The following JPH3 variants were observed in gnomAD, a reference collection of about 807,000 sequenced individuals.
JPH3 encodes junctophilin 3, also known as junctophilin-3.
JPH3 carries 11 observed loss-of-function variants against 59.6 expected under a neutral mutation model. The ratio of observed to expected loss-of-function variants is 0.18; its 90% CI spans 0.12 to 0.31. JPH3 has a LOEUF of 0.31. Ranked by LOEUF, JPH3 falls within the 10% of genes least tolerant of loss-of-function variation. The pLI, the probability that JPH3 is intolerant of heterozygous loss-of-function variation, is 1.00. For missense variants in JPH3, 1,202 were observed against 1,105.7 expected, an observed-to-expected ratio of 1.09 and a Z score of -1.24; for synonymous variants, 673 against 483.6, an observed-to-expected ratio of 1.39 and a Z score of -5.14.
Position 87,644,111 on chromosome 16 carries a change from C to G in JPH3, c.383-147C>G, listed in dbSNP as rs1052146809. On this transcript the variant is annotated intron_variant, in intron 1 of 4. Coordinates refer to ENST00000284262, the MANE Select transcript of JPH3 (RefSeq NM_020655.4). Reference sequence around the variant, plus strand: ...TGTGATGGTCTCACTGCACTCCAGCCTGGGCAACACAGCGAGAACCTGTCT... The same window carrying G: ...TGTGATGGTCTCACTGCACTCCAGCGTGGGCAACACAGCGAGAACCTGTCT... The G allele has an allele frequency of 5.9e-6, 5 of 843,528 alleles. No homozygotes were observed. The East Asian group carries it at 7.9e-5, about 13-fold the overall frequency. 52.3% of individuals were successfully genotyped at this position (843,528 alleles called of 1,614,324 possible).
intron 2 of JPH3, among the ~76,000 whole-genome samples, chr16:87,657,826 C>G (rs184140220): frequency 2.0e-5 from 3 of 152,180 alleles, no homozygotes; most frequent in African/African-American, 7.2e-5. Flanking sequence ...CGTGACCACA[C>G]CTAGCTGCAA....
chr16:87,655,899 C>G (rs563821525), intron 2 of JPH3, among the ~76,000 whole-genome samples: 1 of 152,222 alleles, frequency 6.6e-6, no homozygotes, highest in African/African-American at 2.4e-5. Flanking sequence ...AGGGGTCTCA[C>G]TTGCCACTCT....
chr16:87,616,194 G>T (rs1176328417), intron 1 of JPH3, among the ~76,000 whole-genome samples: 26 of 72,382 alleles, frequency 3.6e-4, no homozygotes, highest in African/African-American at 1.1e-3. Context: ...CTGGTTTTGT[G>T]TGTGTGTGTG....
intron 2 of JPH3, among the ~76,000 whole-genome samples, chr16:87,653,080 A>G (rs951978473): frequency 3.3e-5 from 5 of 152,116 alleles, no homozygotes; most frequent in African/African-American, 9.7e-5. Flanking sequence ...GGGGGGGACT[A>G]GAATTCTCAC....
At chr16:87,695,999 C>A (rs989706692) in intron 4 of JPH3, 3 of 455,964 alleles carry the variant, frequency 6.6e-6, no homozygotes, top group African/African-American at 4.0e-5. Context: ...CAAGGCAGCT[C>A]GCAATTGGAC....
At chr16:87,678,507 C>A (rs1430570298) in intron 2 of JPH3, among the ~76,000 whole-genome samples, 1 of 152,098 alleles carries the variant, frequency 6.6e-6, no homozygotes, top group African/African-American at 2.4e-5. Context: ...CCACTGCACT[C>A]CAGTGTGGAC....
rs150538258 is a variant in JPH3, at chr16:87,618,028, G to T, written c.382+14500G>T. ...AAATACAAAAATTAGCTGGGGCATG[G>T]CAGCCTGCGCCTGCAGTCCCAGCCA... On this transcript the variant is annotated intron_variant, in intron 1 of 4. Coordinates refer to ENST00000284262, the MANE Select transcript of JPH3 (RefSeq NM_020655.4). 1.6e-4 allele frequency among the ~76,000 whole-genome samples: 24 copies of T among 152,188 alleles called. No homozygotes were observed. The East Asian group carries it at 4.7e-3, about 29-fold the overall frequency.
At chr16:87,607,774 G>T (rs950870895) in intron 1 of JPH3, among the ~76,000 whole-genome samples, 7 of 152,228 alleles carry the variant, frequency 4.6e-5, no homozygotes, top group African/African-American at 1.7e-4. Context: ...GAGTGCCCAG[G>T]TTAGAAGGAA....
chr16:87,684,210 G>A lies in JPH3; in HGVS notation c.1229G>A (p.Arg410Gln), dbSNP rs746303536. The change falls in exon 3 of 5, where the codon CGG becomes CAG. Residue 410 changes from arginine (R) to glutamine (Q), a missense_variant. Transcript: ENST00000284262. ...TAAQKAQEEARIARITAKEFS... is the reference protein window; with the variant it reads ...TAAQKAQEEAQIARITAKEFS... ...GCTCAGAAAGCCCAGGAGGAGGCGC[G>A]GATCGCCAGGATCACTGCCAAAGAG... 1.4e-5 allele frequency: 23 copies of A among 1,613,794 alleles called. No individual in the cohort carries two copies. In the East Asian group the frequency reaches 2.2e-4, roughly 16 times the overall value.
chr16:87,696,479 A>G (rs977977525), intron 4 of JPH3, 101 bp from the exon 5 acceptor site: 17 of 937,186 alleles, frequency 1.8e-5, no homozygotes, highest in Non-Finnish European at 2.6e-5. Flanking sequence ...TCCACCCCCG[A>G]GGGTCTGCTA....
rs773264027 is a variant in JPH3, at chr16:87,644,800, C to G, written c.925C>G (p.Leu309Val). The change falls in exon 2 of 5, where the codon CTC becomes GTC. Residue 309 changes from leucine (L) to valine (V), a missense_variant. Physicochemically the swap from Leu to Val is conservative, Grantham distance 32. Transcript: ENST00000284262. Reference sequence around the variant, plus strand: ...CGGCGTGAGCCAGCGCTCGGACGGGCTCAAGTACGAGGGCGAGTGGGCCAG... The same window carrying G: ...CGGCGTGAGCCAGCGCTCGGACGGGGTCAAGTACGAGGGCGAGTGGGCCAG... Reference protein sequence around the residue: ...GFGVSQRSDGLKYEGEWASNR... With the variant: ...GFGVSQRSDGVKYEGEWASNR... 3.7e-6 allele frequency: 6 copies of G among 1,613,182 alleles called. No homozygotes were observed. The highest frequency in any genetic ancestry group is 5.1e-6 in the Non-Finnish European group (6 of 1,179,792).
At position 87,680,396 on chromosome 16, in the gene JPH3, C is replaced by T. The variant is rs182326780; in HGVS notation, c.1161-3746C>T. ...GTGTGGACCCAGAAGGAAGCGGAGCCCTGGTGGGCAGCCTGGCTGTGCTCT... is the reference window on the plus strand; with the variant it reads ...GTGTGGACCCAGAAGGAAGCGGAGCTCTGGTGGGCAGCCTGGCTGTGCTCT... On this transcript the variant is annotated intron_variant, in intron 2 of 4. Transcript: ENST00000284262. 1.4e-4 allele frequency among the ~76,000 whole-genome samples: 15 copies of T among 105,042 alleles called. No homozygotes were observed. The East Asian group carries it at 3.9e-3, about 27-fold the overall frequency. 68.9% of individuals were successfully genotyped at this position (105,042 alleles called of 152,430 possible). A position where few individuals can be genotyped will look rare whatever the true frequency, so the allele number is the denominator to read the frequency against.
intron 2 of JPH3, among the ~76,000 whole-genome samples, chr16:87,662,648 G>A (rs1399336781): frequency 6.6e-6 from 1 of 152,186 alleles, no homozygotes; most frequent in African/African-American, 2.4e-5. Flanking sequence ...ATGGACCCCA[G>A]TCCCCGCTGA....
At chr16:87,664,834 A>G (rs1252157626) in intron 2 of JPH3, among the ~76,000 whole-genome samples, 3 of 152,058 alleles carry the variant, frequency 2.0e-5, no homozygotes, top group Non-Finnish European at 4.4e-5. Context: ...GGTCCCAGCT[A>G]GCAGGTGGCA....
rs565450554 is a variant in JPH3 at position 87,624,662 on chromosome 16, G to A, written c.383-19596G>A. 3.4e-4 allele frequency among the ~76,000 whole-genome samples: 52 copies of A among 152,344 alleles called. 1 individual carries two copies. The highest frequency in any genetic ancestry group is 2.5e-3 in the South Asian group (12 of 4,828). On this transcript the variant is annotated intron_variant, in intron 1 of 4. Transcript: ENST00000284262. ...TTCCACCTGGGGGCTATCCTGAGTCGTGCTGCTGTGACCATTTGCGTCCTT... is the reference window on the plus strand; with the variant it reads ...TTCCACCTGGGGGCTATCCTGAGTCATGCTGCTGTGACCATTTGCGTCCTT...
intron 1 of JPH3, among the ~76,000 whole-genome samples, chr16:87,619,338 A>G (rs2031087398): frequency 1.3e-5 from 2 of 149,906 alleles, no homozygotes; most frequent in Admixed American, 6.6e-5. Context: ...AAGAAGGATT[A>G]TTTGTCTTCT....
intron 2 of JPH3, among the ~76,000 whole-genome samples, chr16:87,673,364 G>T (rs1177206628): frequency 6.6e-6 from 1 of 151,918 alleles, no homozygotes; most frequent in African/African-American, 2.4e-5. Flanking sequence ...CGAGGAAACA[G>T]ACCCCCTCGT....
At chr16:87,614,294 G>A (rs531742752) in intron 1 of JPH3, among the ~76,000 whole-genome samples, 4 of 152,076 alleles carry the variant, frequency 2.6e-5, no homozygotes, top group South Asian at 4.2e-4. Context: ...AGGAGGAGCT[G>A]TGCGTCCCCT....
At chr16:87,673,314 A>AT (rs1332900888) in intron 2 of JPH3, among the ~76,000 whole-genome samples, 1 of 98,926 alleles carries the variant, frequency 1.0e-5, no homozygotes, top group African/African-American at 5.1e-5. Flanking sequence ...CTTGGGAGAG[A>AT]TTTAAAAAAA....
Sources: allele counts gnomAD v4.1 joint callset (sites outside exome capture counted in the v4.1 genomes callset), GRCh38; gene constraint gnomAD v4.1.1; transcripts MANE v1.5; gene names NCBI Gene and HGNC (gene_info 2026-07-23, HGNC 2026-07-21).